STX2: variants seen among roughly 807,000 people sequenced by gnomAD.
The protein encoded by STX2 is syntaxin-2.
In STX2, 27 loss-of-function variants were observed where a neutral mutation model predicts 40.6. The ratio of observed to expected loss-of-function variants is 0.66; its 90% confidence interval spans 0.49 to 0.92. The LOEUF is 0.92. STX2 is among the 40% of genes least tolerant of loss of function. The probability of loss-of-function intolerance (pLI) is 0.00; values close to 1 mark genes in which losing one functional copy is unlikely to be tolerated. For synonymous variants in STX2, 123 were observed against 119.1 expected, an observed-to-expected ratio of 1.03 and a Z score of -0.22; for missense variants, 328 against 366.1, an observed-to-expected ratio of 0.90 and a Z score of 0.85.
chr12:130,807,616 C>T (rs1951490304), intron 5 of STX2, among the ~76,000 whole-genome samples: 1 of 152,186 alleles, frequency 6.6e-6, no homozygotes, highest in Non-Finnish European at 1.5e-5. Flanking sequence ...CCCTCGAGGC[C>T]TCAGGGCTCT....
chr12:130,827,328 C>A, intron 1 of STX2, 61 bp from the exon 2 acceptor site: 1 of 1,356,134 alleles, frequency 7.4e-7, no homozygotes, highest in Non-Finnish European at 1.1e-6. Context: ...AAATAGCGAA[C>A]TGAAATACAA....
At chr12:130,834,038 T>C (rs1384793689) in intron 1 of STX2, among the ~76,000 whole-genome samples, 1 of 152,042 alleles carries the variant, frequency 6.6e-6, no homozygotes, top group Non-Finnish European at 1.5e-5. Context: ...TGTGGGAACA[T>C]GCGAGGAAAG....
At chr12:130,814,069 G>C (rs978190088) in intron 3 of STX2, among the ~76,000 whole-genome samples, 4 of 152,184 alleles carry the variant, frequency 2.6e-5, no homozygotes, top group African/African-American at 9.7e-5. Context: ...CGTGTGCTAA[G>C]TCTTCTTTCC....
chr12:130,799,675 G>A (rs749920349), intron 8 of STX2, among the ~76,000 whole-genome samples: 6 of 152,066 alleles, frequency 3.9e-5, no homozygotes, highest in African/African-American at 1.2e-4. Flanking sequence ...TTAGCCGGGC[G>A]TAGTGGTGCA....
intron 1 of STX2, among the ~76,000 whole-genome samples, chr12:130,827,835 G>A (rs558580053): frequency 6.4e-4 from 97 of 152,050 alleles, no homozygotes; most frequent in African/African-American, 2.1e-3. Context: ...GAACCTGGCA[G>A]GTTTAGCTGG....
At chr12:130,831,646 T>C (rs1952562830) in intron 1 of STX2, among the ~76,000 whole-genome samples, 1 of 152,110 alleles carries the variant, frequency 6.6e-6, no homozygotes, top group Non-Finnish European at 1.5e-5. Flanking sequence ...AACAAATAAA[T>C]AAATATGTAA....
chr12:130,827,374 C>T, intron 1 of STX2, 107 bp from the exon 2 acceptor site: 1 of 797,488 alleles, frequency 1.3e-6, no homozygotes. Context: ...CAACTCACTA[C>T]AGCACCAAAT....
intron 3 of STX2, among the ~76,000 whole-genome samples, chr12:130,818,180 AAAAAAATATAT>A (rs1269866794): frequency 3.5e-4 from 13 of 37,340 alleles, no homozygotes; most frequent in African/African-American, 6.1e-4. Flanking sequence ...CAAAAAAAAA[AAAAAAATATAT>A]ATATATATAT....
Position 130,821,692 on chromosome 12 carries a change from C to T in STX2, c.202G>A (p.Gly68Arg). 6.2e-7 allele frequency: 1 copy of T among 1,613,384 alleles called. No individual in the cohort carries two copies. The highest frequency in any genetic ancestry group is 8.5e-7 in the Non-Finnish European group (1 of 1,179,312). Residue 68 changes from glycine to arginine, a missense_variant, in exon 3 of 11, where the codon GGA becomes AGA. By Grantham distance (125) the Gly-to-Arg change is moderately radical (BLOSUM62 -2). Coordinates refer to ENST00000392373, the MANE Select transcript of STX2 (RefSeq NM_194356.4). ...SIILSAPNPE[G>R]KIKEELEDLN... ...GTTGTGAAAACCAACAACTTACTTCCTTCCGGGTTTGGTGCAGAAAGAATG... is the reference window on the plus strand; with the variant it reads ...GTTGTGAAAACCAACAACTTACTTCTTTCCGGGTTTGGTGCAGAAAGAATG...
At chr12:130,813,416 C>T (rs74995251) in intron 3 of STX2, among the ~76,000 whole-genome samples, 1,906 of 152,316 alleles carry the variant, frequency 0.013, 21 homozygotes, top group Middle Eastern at 0.027. Context: ...GAAAGGAAAA[C>T]GGAGACGTAA....
chr12:130,838,979 C>T (rs1484637838), intron 1 of STX2, 91 bp downstream of exon 1: 2 of 1,127,830 alleles, frequency 1.8e-6, no homozygotes, highest in African/African-American at 1.6e-5. Context: ...GGGACCCTCC[C>T]GGAGCCCCGC....
intron 6 of STX2, among the ~76,000 whole-genome samples, chr12:130,802,475 G>C (rs1951269625): frequency 6.6e-6 from 1 of 152,024 alleles, no homozygotes; most frequent in African/African-American, 2.4e-5. Context: ...TCGGATTGCA[G>C]GTGTGAGCCA....
At chr12:130,800,033 C>T (rs532277831) in intron 8 of STX2, among the ~76,000 whole-genome samples, 49 of 152,132 alleles carry the variant, frequency 3.2e-4, no homozygotes, top group African/African-American at 1.1e-3. Flanking sequence ...AAAACAGATC[C>T]GAAACCAGGC....
At position 130,806,671 on chromosome 12, in the gene STX2, C is replaced by T. The variant is rs986407620; in HGVS notation, c.463+311G>A. Among the ~76,000 whole-genome samples the T allele has an allele frequency of 2.0e-5, 3 of 152,106 alleles. No homozygotes were observed. The East Asian group carries it at 5.8e-4, about 29-fold the overall frequency. On this transcript the variant is annotated intron_variant, in intron 6 of 10. Coordinates refer to ENST00000392373, the MANE Select transcript of STX2 (RefSeq NM_194356.4). ...ATGTGAGGAGCCATGAAGATGCCCC[C>T]GAACCAGGGCAGGGCGGGACTGAGG...
chr12:130,804,795 C>T (rs992262200), intron 6 of STX2, among the ~76,000 whole-genome samples: 5 of 151,490 alleles, frequency 3.3e-5, no homozygotes, highest in Non-Finnish European at 2.9e-5. Flanking sequence ...ACTCCCAACA[C>T]GTATATGATA....
Position 130,798,601 on chromosome 12 carries a change from A to C in STX2, c.710T>G (p.Met237Arg). ...GTGTTCTACATAGTCTGTGGCATTC[A>C]TAACATTTCTTTCTATGTTGTTGAT... ...EMINNIERNV[M>R]NATDYVEHAK... Residue 237 changes from methionine to arginine, a missense_variant, in exon 9 of 11, where the codon ATG becomes AGG. Coordinates refer to ENST00000392373, the MANE Select transcript of STX2 (RefSeq NM_194356.4). The C allele has an allele frequency of 6.2e-7, 1 of 1,601,986 alleles. No homozygotes were observed. Among genetic ancestry groups the C allele is most frequent in the African/African-American group, 1.3e-5 (1 of 74,208 alleles).
chr12:130,801,519 GAATGCAGCAC>G (rs772580840), intron 6 of STX2, 31 bp from the exon 7 acceptor site: 88 of 1,562,980 alleles, frequency 5.6e-5, no homozygotes, highest in Non-Finnish European at 7.6e-5. Context: ...GCCCCACTCA[GAATGCAGCAC>G]AATTTAAAAA....
chr12:130,836,079 A>G (rs1327344925), intron 1 of STX2, among the ~76,000 whole-genome samples: 1 of 151,982 alleles, frequency 6.6e-6, no homozygotes, highest in Non-Finnish European at 1.5e-5. Context: ...CCAGCCATTT[A>G]CAAGCACGGT....
chr12:130,830,491 G>A (rs971919103), intron 1 of STX2, among the ~76,000 whole-genome samples: 23 of 152,290 alleles, frequency 1.5e-4, no homozygotes, highest in African/African-American at 4.3e-4. Context: ...CAAGTCATTC[G>A]CTTGCTGGTA....
Sources: allele counts gnomAD v4.1 joint callset (sites outside exome capture counted in the v4.1 genomes callset), GRCh38; gene constraint gnomAD v4.1.1; transcripts MANE v1.5; gene names NCBI Gene and HGNC (gene_info 2026-07-23, HGNC 2026-07-21).